LGALSL: variants seen among roughly 807,000 people sequenced by gnomAD.
LGALSL encodes the protein galectin like.
Under a neutral mutation model 19.5 loss-of-function variants are expected in LGALSL, and 13 were observed. The observed-to-expected ratio is 0.67, with a 90% confidence interval of 0.43 to 1.06. The LOEUF is 1.06. Among genes scored for constraint, LGALSL ranks in the 50% least tolerant of loss-of-function variants. The probability of loss-of-function intolerance (pLI) is 0.00; values close to 1 mark genes in which losing one functional copy is unlikely to be tolerated. For synonymous variants in LGALSL, 86 were observed against 78.3 expected (o/e 1.10, Z -0.52); for missense variants, 189 against 219.3 (o/e 0.86, Z 0.87).
chr2:64,456,542 A>C (rs949837577), intron 4 of LGALSL, 77 bp downstream of exon 4: 5 of 1,221,950 alleles, frequency 4.1e-6, no homozygotes, highest in Non-Finnish European at 5.5e-6. Flanking sequence ...TGCCAAGAAC[A>C]CTTGAAGCAG....
In LGALSL at chr2:64,459,677, G is replaced by C. The variant is rs1572900480; in HGVS notation, c.*1249G>C. On this transcript the variant is annotated 3_prime_UTR_variant, in exon 5 of 5. Coordinates refer to ENST00000238875, the MANE Select transcript of LGALSL (RefSeq NM_014181.3). ...GTTTATCTGAAAGGTTAACTCCCAG[G>C]ACTCCAGGTCTTTGAATCCAGCCAG... 1 of 152,194 alleles carries C rather than the reference G, an allele frequency of 6.6e-6. No individual in the cohort carries two copies. The highest frequency in any genetic ancestry group is 1.9e-4 in the East Asian group (1 of 5,194). 9.4% of individuals were successfully genotyped at this position (152,194 alleles called of 1,614,324 possible).
intron 4 of LGALSL, 76 bp downstream of exon 4, chr2:64,456,541 C>T: frequency 1.6e-6 from 2 of 1,215,722 alleles, no homozygotes; most frequent in Middle Eastern, 2.6e-4. Flanking sequence ...GTGCCAAGAA[C>T]ACTTGAAGCA....
chr2:64,456,232 C>A, intron 3 of LGALSL, 56 bp from the exon 4 acceptor site: 2 of 1,489,680 alleles, frequency 1.3e-6, no homozygotes, highest in South Asian at 1.2e-5. Context: ...GCACTTGGGT[C>A]ATTTTGAAAT....
In LGALSL at chr2:64,455,318, G is replaced by C. The variant is rs547207359; in HGVS notation, c.37-26G>C. ...CCCCCCAAAAAAGAGCCCATGGAAA[G>C]CCAATCTGTGTACTTCTATTTTTAG... On this transcript the variant is annotated intron_variant, in intron 1 of 4. Coordinates refer to ENST00000238875, the MANE Select transcript of LGALSL (RefSeq NM_014181.3). 4 of 1,553,616 alleles carry C rather than the reference G, an allele frequency of 2.6e-6. No individual in the cohort carries two copies. The South Asian group carries it at 3.3e-5, about 13-fold the overall frequency.
At position 64,454,314 on chromosome 2, in the gene LGALSL, G is replaced by T. The variant is rs1170846789; in HGVS notation, c.-232G>T. ...CGGGTCCGGGGCCGTTCTGGGCCGC[G>T]GCAAGCACCTTCGCCCTCCCAGCTC... On this transcript the variant is annotated 5_prime_UTR_variant, in exon 1 of 5. Coordinates refer to ENST00000238875, the MANE Select transcript of LGALSL (RefSeq NM_014181.3). This position sits in a 1 kb window ranked among gnomAD's most constrained non-coding sequence, Gnocchi z 5.1. The T allele has an allele frequency of 1.8e-5, 7 of 394,232 alleles. No individual in the cohort carries two copies. The Admixed American group carries it at 3.1e-4, about 18-fold the overall frequency. 24.4% of individuals were successfully genotyped at this position (394,232 alleles called of 1,614,324 possible). A position where few individuals can be genotyped will look rare whatever the true frequency, so the allele number is the denominator to read the frequency against.
Position 64,455,527 on chromosome 2 carries a change from T to C in LGALSL, c.109-62T>C, listed in dbSNP as rs112773383. On this transcript the variant is annotated intron_variant, in intron 2 of 4. Coordinates refer to ENST00000238875, the MANE Select transcript of LGALSL (RefSeq NM_014181.3). ...TCCAGTGGGTCAGGCCTTCAGGGTCTGAGGTCTTGGCTTTTCCCTAACAGG... is the reference window on the plus strand; with the variant it reads ...TCCAGTGGGTCAGGCCTTCAGGGTCCGAGGTCTTGGCTTTTCCCTAACAGG... 6 of 1,520,548 alleles carry C rather than the reference T, an allele frequency of 3.9e-6. No homozygotes were observed. The South Asian group carries it at 6.7e-5, about 17-fold the overall frequency. The allele number at this position is 1,520,548 out of a possible 1,614,324, so 94.2% of individuals were successfully genotyped here. A position where few individuals can be genotyped will look rare whatever the true frequency, so the allele number is the denominator to read the frequency against.
In LGALSL at chr2:64,456,409, G is replaced by A; in HGVS notation, c.319G>A (p.Gly107Ser). Reference protein sequence around the residue: ...LRNSCISGERGEEQSAIPYFP... With the variant: ...LRNSCISGERSEEQSAIPYFP... ...AAATTCTTGTATATCTGGGGAGAGGGGTGAAGAACAGTCAGCAATCCCTTA... is the reference window on the plus strand; with the variant it reads ...AAATTCTTGTATATCTGGGGAGAGGAGTGAAGAACAGTCAGCAATCCCTTA... The change falls in exon 4 of 5, where the codon GGT (glycine) becomes AGT (serine). Residue 107 changes from glycine to serine, a missense_variant. Around this residue, in one of 3 missense-constraint regions of LGALSL, gnomAD observed 106 missense variants for 119.3 expected, o/e 0.89. Transcript: ENST00000238875. 6.2e-7 allele frequency: 1 copy of A among 1,608,982 alleles called. No individual in the cohort carries two copies. The highest frequency in any genetic ancestry group is 8.5e-7 in the Non-Finnish European group (1 of 1,177,476).
Position 64,454,643 on chromosome 2 carries a change from T to G in LGALSL, c.36+62T>G. On this transcript the variant is annotated intron_variant, in intron 1 of 4. Coordinates refer to ENST00000238875, the MANE Select transcript of LGALSL (RefSeq NM_014181.3). This position sits in a 1 kb window ranked among gnomAD's most constrained non-coding sequence, Gnocchi z 5.1. ...CGCCGTCCCGCACTCCGCCGCCGCCTGCTCCAGCAGTGCTGGGGTGCTGAG... is the reference window on the plus strand; with the variant it reads ...CGCCGTCCCGCACTCCGCCGCCGCCGGCTCCAGCAGTGCTGGGGTGCTGAG... The G allele has an allele frequency of 8.2e-7, 1 of 1,215,508 alleles. No homozygotes were observed. The highest frequency in any genetic ancestry group is 2.4e-5 in the South Asian group (1 of 40,858). The allele number at this position is 1,215,508 out of a possible 1,614,324, so 75.3% of individuals were successfully genotyped here. A position where few individuals can be genotyped will look rare whatever the true frequency, so the allele number is the denominator to read the frequency against.
chr2:64,456,556 G>A, intron 4 of LGALSL, 91 bp downstream of exon 4: 3 of 1,043,274 alleles, frequency 2.9e-6, no homozygotes, highest in Non-Finnish European at 4.0e-6. Context: ...GAAGCAGCCA[G>A]AATTTCTGCA....
At chr2:64,455,445 G>C (rs374979184) in intron 2 of LGALSL, 30 bp downstream of exon 2, 1 of 1,570,526 alleles carries the variant, frequency 6.4e-7, no homozygotes. Flanking sequence ...GTCTCTGCCT[G>C]TACCTTCCTC....
rs1017366568 is a variant in LGALSL at position 64,454,717 on chromosome 2, C to G, written c.36+136C>G. 1.2e-5 allele frequency: 6 copies of G among 495,682 alleles called. No individual in the cohort carries two copies. Among genetic ancestry groups the G allele is most frequent in the African/African-American group, 1.0e-4 (5 of 49,126 alleles). 30.7% of individuals were successfully genotyped at this position (495,682 alleles called of 1,614,324 possible). A position where few individuals can be genotyped will look rare whatever the true frequency, so the allele number is the denominator to read the frequency against. ...CGGCGCGTGGGAAGGCGCCCGGTAC[C>G]TGTTAGCAGCCGCTGGCTGCGCGCG... On this transcript the variant is annotated intron_variant, in intron 1 of 4. Coordinates refer to ENST00000238875, the MANE Select transcript of LGALSL (RefSeq NM_014181.3). This position sits in a 1 kb window ranked among gnomAD's most constrained non-coding sequence, Gnocchi z 5.1.
Position 64,456,425 on chromosome 2 carries a change from C to T in LGALSL, c.335C>T (p.Ala112Val), listed in dbSNP as rs1405209656. 3 of 1,604,148 alleles carry T rather than the reference C, an allele frequency of 1.9e-6. No individual in the cohort carries two copies. In the South Asian group the frequency reaches 3.3e-5, roughly 18 times the overall value. Reference protein sequence around the residue: ...ISGERGEEQSAIPYFPFIPDQ... With the variant: ...ISGERGEEQSVIPYFPFIPDQ... ...GGGGAGAGGGGTGAAGAACAGTCAGCAATCCCTTACTTTCCATTCATTCCA... is the reference window on the plus strand; with the variant it reads ...GGGGAGAGGGGTGAAGAACAGTCAGTAATCCCTTACTTTCCATTCATTCCA... The change falls in exon 4 of 5, where the codon GCA (alanine) becomes GTA (valine). Residue 112 changes from alanine (A) to valine (V), a missense_variant. Physicochemically the swap from Ala to Val is moderately conservative, Grantham distance 64 (BLOSUM62 0). Transcript: ENST00000238875.
Position 64,454,525 on chromosome 2 carries a change from C to G in LGALSL, c.-21C>G. ...CGCCCGCGCGCCGCGTCCCACGTAC[C>G]CCGCCGCGCCGGGCAAGAAGATGGC... On this transcript the variant is annotated 5_prime_UTR_variant, in exon 1 of 5. Coordinates refer to ENST00000238875, the MANE Select transcript of LGALSL (RefSeq NM_014181.3). This position sits in a 1 kb window ranked among gnomAD's most constrained non-coding sequence, Gnocchi z 5.1. 1 of 1,407,606 alleles carries G rather than the reference C, an allele frequency of 7.1e-7. No individual in the cohort carries two copies. The highest frequency in any genetic ancestry group is 9.3e-7 in the Non-Finnish European group (1 of 1,075,300). The allele number at this position is 1,407,606 out of a possible 1,614,324, so 87.2% of individuals were successfully genotyped here.
rs1371355484 is a variant in LGALSL, at chr2:64,454,608, C to T, written c.36+27C>T. Reference sequence around the variant, plus strand: ...TGAGTGTGGCAGGGCGCGCGCGAGGCGCCCCTCCCCGCCGTCCCGCACTCC... The same window carrying T: ...TGAGTGTGGCAGGGCGCGCGCGAGGTGCCCCTCCCCGCCGTCCCGCACTCC... On this transcript the variant is annotated intron_variant, in intron 1 of 4. Transcript: ENST00000238875. This position sits in a 1 kb window ranked among gnomAD's most constrained non-coding sequence, Gnocchi z 5.1. 3 of 1,376,418 alleles carry T rather than the reference C, an allele frequency of 2.2e-6. No homozygotes were observed. The highest frequency in any genetic ancestry group is 2.7e-5 in the Admixed American group (1 of 36,474). 85.3% of individuals were successfully genotyped at this position (1,376,418 alleles called of 1,614,324 possible). A position where few individuals can be genotyped will look rare whatever the true frequency, so the allele number is the denominator to read the frequency against.
At chr2:64,457,380 C>G (rs1245813164) in intron 4 of LGALSL, among the ~76,000 whole-genome samples, 2 of 150,546 alleles carry the variant, frequency 1.3e-5, no homozygotes, top group African/African-American at 2.5e-5. Context: ...GCTATGTGTG[C>G]ATCACTGCAC....
rs760792488 is a variant in LGALSL at position 64,455,336 on chromosome 2, A to G, written c.37-8A>G. On this transcript the variant is annotated splice_polypyrimidine_tract_variant and splice_region_variant and intron_variant, in intron 1 of 4. Coordinates refer to ENST00000238875, the MANE Select transcript of LGALSL (RefSeq NM_014181.3). Reference sequence around the variant, plus strand: ...ATGGAAAGCCAATCTGTGTACTTCTATTTTTAGAAACTAGATGATGGCCAT... The same window carrying G: ...ATGGAAAGCCAATCTGTGTACTTCTGTTTTTAGAAACTAGATGATGGCCAT... 7 of 1,608,410 alleles carry G rather than the reference A, an allele frequency of 4.4e-6. No homozygotes were observed. The highest frequency in any genetic ancestry group is 3.3e-5 in the Admixed American group (2 of 60,010).
In LGALSL at chr2:64,454,729, G is replaced by T. The variant is rs1210874747; in HGVS notation, c.36+148G>T. The stretch of plus-strand genomic sequence containing the variant: ...AGGCGCCCGGTACCTGTTAGCAGCC[G>T]CTGGCTGCGCGCGGCCGGTGTTAGG... On this transcript the variant is annotated intron_variant, in intron 1 of 4. Transcript: ENST00000238875. This position sits in a 1 kb window ranked among gnomAD's most constrained non-coding sequence, Gnocchi z 5.1. 4.5e-6 allele frequency: 2 copies of T among 444,120 alleles called. No homozygotes were observed. 27.5% of individuals were successfully genotyped at this position (444,120 alleles called of 1,614,324 possible). A position where few individuals can be genotyped will look rare whatever the true frequency, so the allele number is the denominator to read the frequency against.
In LGALSL at chr2:64,454,403, G is replaced by C. The variant is rs1686692892; in HGVS notation, c.-143G>C. Reference sequence around the variant, plus strand: ...CTGCCAGGTCGGCGCCGGGCCCCGGGCGCGCGCGCGCGCGCCCCCTCGTGT... The same window carrying C: ...CTGCCAGGTCGGCGCCGGGCCCCGGCCGCGCGCGCGCGCGCCCCCTCGTGT... On this transcript the variant is annotated 5_prime_UTR_variant, in exon 1 of 5. Transcript: ENST00000238875. This position sits in a 1 kb window ranked among gnomAD's most constrained non-coding sequence, Gnocchi z 5.1. 1 of 336,366 alleles carries C rather than the reference G, an allele frequency of 3.0e-6. No homozygotes were observed. The highest frequency in any genetic ancestry group is 2.2e-5 in the African/African-American group (1 of 45,182). 20.8% of individuals were successfully genotyped at this position (336,366 alleles called of 1,614,324 possible).
chr2:64,455,422 G>T lies in LGALSL; in HGVS notation c.108+7G>T, dbSNP rs41284841. ...CGTGTACTTCCCACGACTGGTAAAT[G>T]ATTTTGCTCTGTGTCTCTGCCTGTA... On this transcript the variant is annotated splice_region_variant and intron_variant, in intron 2 of 4. Coordinates refer to ENST00000238875, the MANE Select transcript of LGALSL (RefSeq NM_014181.3). 1 of 1,610,430 alleles carries T rather than the reference G, an allele frequency of 6.2e-7. No homozygotes were observed.
Sources: allele counts gnomAD v4.1 joint callset (sites outside exome capture counted in the v4.1 genomes callset), GRCh38; gene constraint gnomAD v4.1.1; regional missense constraint gnomAD v4.1.1; non-coding constraint Gnocchi (gnomAD v3.1); transcripts MANE v1.5; gene names NCBI Gene and HGNC (gene_info 2026-07-23, HGNC 2026-07-21).